The following NRP1 variants were observed in gnomAD, a reference collection of about 807,000 sequenced individuals.
NRP1 encodes neuropilin-1.
Under a neutral mutation model 106.7 loss-of-function variants are expected in NRP1, and 35 were observed. That is an observed-to-expected ratio of 0.33 (90% CI 0.25 to 0.43). The LOEUF is 0.43. Ranked by LOEUF, NRP1 falls within the 20% of genes least tolerant of loss-of-function variation. The pLI is 1.00. For synonymous variants in NRP1, 437 were observed against 417.9 expected (o/e 1.05, Z -0.56); for missense variants, 1,024 against 1,170.4 (o/e 0.87, Z 1.83).
chr10:33,188,601 G>C, intron 13 of NRP1, among the ~76,000 whole-genome samples: 1 of 151,986 alleles, frequency 6.6e-6, no homozygotes, highest in Admixed American at 6.6e-5. Context: ...GTGTGGCCGG[G>C]CGCGGTGGTC....
chr10:33,202,537 G>A, intron 11 of NRP1: 1 of 1,355,828 alleles, frequency 7.4e-7, no homozygotes, highest in Non-Finnish European at 9.7e-7. Context: ...TCTGAAGTGT[G>A]TGGTTACGTA....
At chr10:33,322,186 G>A (rs915773702) in intron 2 of NRP1, among the ~76,000 whole-genome samples, 2 of 152,042 alleles carry the variant, frequency 1.3e-5, no homozygotes, top group Non-Finnish European at 2.9e-5. Context: ...TGGACACAGT[G>A]GTATCTAATA....
Position 33,193,303 on chromosome 10 carries a change from C to T in NRP1, c.1925-885G>A, listed in dbSNP as rs146113569. On this transcript the variant is annotated intron_variant, in intron 12 of 16. Transcript: ENST00000374867. ...TTACACAGCCTCTTTTTGAAAGGAG[C>T]TTAACTTTTAAGTATGGGAAAAATG... is the stretch of plus-strand genomic sequence containing the variant. Among the ~76,000 whole-genome samples the T allele has an allele frequency of 3.5e-3, 540 of 152,166 alleles. 1 individual carries two copies. The highest frequency in any genetic ancestry group is 5.6e-3 in the Admixed American group (85 of 15,280).
At chr10:33,248,280 ACT>A (rs1234776817) in intron 6 of NRP1, among the ~76,000 whole-genome samples, 1 of 152,092 alleles carries the variant, frequency 6.6e-6, no homozygotes, top group African/African-American at 2.4e-5. Flanking sequence ...ACAGAGCGAG[ACT>A]CTGTCTCAAG....
chr10:33,275,620 AGGC>A (rs999804023), intron 2 of NRP1, among the ~76,000 whole-genome samples: 24 of 152,014 alleles, frequency 1.6e-4, no homozygotes, highest in African/African-American at 4.8e-4. Context: ...TGTTCAGGCC[AGGC>A]GTGGAGGCTC....
chr10:33,207,748 G>GA (rs368815672), intron 9 of NRP1, 32 bp from the exon 10 acceptor site: 63,108 of 1,096,692 alleles, frequency 0.058, 1 homozygote, highest in South Asian at 0.078. Context: ...GGGCATTAAG[G>GA]AAAAAAAAAA....
intron 2 of NRP1, among the ~76,000 whole-genome samples, chr10:33,329,983 A>C (rs1255096727): frequency 1.3e-5 from 2 of 152,228 alleles, no homozygotes; most frequent in African/African-American, 4.8e-5. Flanking sequence ...CATAATAACG[A>C]AATTGGGCAT....
chr10:33,222,287 T>C (rs1259219748), intron 7 of NRP1, among the ~76,000 whole-genome samples: 2 of 152,144 alleles, frequency 1.3e-5, no homozygotes, highest in Non-Finnish European at 2.9e-5. Flanking sequence ...CTTTTTGAAA[T>C]TCTAGGTCGT....
intron 13 of NRP1, 65 bp downstream of exon 13, chr10:33,192,216 G>A: frequency 6.4e-7 from 1 of 1,557,846 alleles, no homozygotes; most frequent in Non-Finnish European, 8.7e-7. Flanking sequence ...AACCCTCCCA[G>A]TAACACAGCC....
intron 2 of NRP1, among the ~76,000 whole-genome samples, chr10:33,278,789 C>T (rs1843897324): frequency 6.6e-6 from 1 of 152,116 alleles, no homozygotes. Context: ...AAGCTAATCT[C>T]ACACATTAAA....
chr10:33,254,094 G>A lies in NRP1; in HGVS notation c.915C>T (p.Arg305=). The part of the protein sequence containing the change: ...SQYSTNWSAE[R]SRLNYPENGW... ...CATTCTCAGGGTAGTTCAGGCGGGA[G>A]CGCTCTGCAGACCAGTTGGTGCTAT... Residue 305 remains arginine (R), a synonymous_variant, in exon 6 of 17, where the codon CGC becomes CGT. Coordinates refer to ENST00000374867, the MANE Select transcript of NRP1 (RefSeq NM_003873.7). 2 of 1,614,072 alleles carry A rather than the reference G, an allele frequency of 1.2e-6. No individual in the cohort carries two copies. The highest frequency in any genetic ancestry group is 2.2e-5 in the East Asian group (1 of 44,874).
intron 15 of NRP1, among the ~76,000 whole-genome samples, chr10:33,185,061 A>C (rs1835913860): frequency 6.6e-6 from 1 of 152,244 alleles, no homozygotes; most frequent in Admixed American, 6.5e-5. Context: ...CACCTAGTAC[A>C]AGACCCATAA....
At chr10:33,307,221 A>G (rs1846227162) in intron 2 of NRP1, among the ~76,000 whole-genome samples, 1 of 152,252 alleles carries the variant, frequency 6.6e-6, no homozygotes, top group Non-Finnish European at 1.5e-5. Context: ...TCACAAAACA[A>G]CAGGACTCTC....
At chr10:33,296,956 G>A (rs1295532999) in intron 2 of NRP1, among the ~76,000 whole-genome samples, 3 of 151,878 alleles carry the variant, frequency 2.0e-5, no homozygotes, top group African/African-American at 7.3e-5. Flanking sequence ...TTGAACCCAG[G>A]AGGCGGAGTT....
chr10:33,245,019 C>A (rs945472386), intron 6 of NRP1, among the ~76,000 whole-genome samples: 1 of 152,062 alleles, frequency 6.6e-6, no homozygotes, highest in African/African-American at 2.4e-5. Context: ...AATAGGGAAG[C>A]CTAAGATAAA....
At chr10:33,302,648 G>A (rs192910388) in intron 2 of NRP1, among the ~76,000 whole-genome samples, 17 of 152,274 alleles carry the variant, frequency 1.1e-4, no homozygotes, top group Admixed American at 1.1e-3. Flanking sequence ...GGTAGGGCTT[G>A]GAGAAACACA....
chr10:33,207,437 G>T, intron 10 of NRP1, 135 bp downstream of exon 10: 2 of 874,042 alleles, frequency 2.3e-6, no homozygotes, highest in Non-Finnish European at 3.5e-6. Flanking sequence ...GAGTCTCACT[G>T]ATGGGCAGGC....
chr10:33,202,343 C>T (rs2132699955), intron 11 of NRP1: 1 of 267,576 alleles, frequency 3.7e-6, no homozygotes, highest in Non-Finnish European at 7.2e-6. Context: ...ATCTCTGATG[C>T]ATTTGCTGGT....
chr10:33,204,986 CCT>C (rs1253297988), intron 10 of NRP1, among the ~76,000 whole-genome samples: 1 of 152,204 alleles, frequency 6.6e-6, no homozygotes, highest in African/African-American at 2.4e-5. Context: ...CCCGCCTTGG[CCT>C]CCCAAAGTGC....
Sources: allele counts gnomAD v4.1 joint callset (sites outside exome capture counted in the v4.1 genomes callset), GRCh38; gene constraint gnomAD v4.1.1; transcripts MANE v1.5; gene names NCBI Gene and HGNC (gene_info 2026-07-23, HGNC 2026-07-21).